CDK20: variants seen among roughly 807,000 people sequenced by gnomAD.
CDK20 encodes cyclin dependent kinase 20, also known as cyclin-dependent kinase 20.
CDK20 carries 40 observed loss-of-function variants against 38.6 expected under a neutral mutation model. That is an observed-to-expected ratio of 1.04 (90% CI 0.81 to 1.35). CDK20 has a LOEUF of 1.35. Among genes scored for constraint, CDK20 ranks in the 40% most tolerant of loss-of-function variants. The probability of loss-of-function intolerance (pLI) is 0.00; values close to 1 mark genes in which losing one functional copy is unlikely to be tolerated. For synonymous variants in CDK20, 209 were observed against 185.7 expected (o/e 1.13, Z -1.02); for missense variants, 512 against 452.6 (o/e 1.13, Z -1.19).
At chr9:87,967,686 G>A (rs1829528748) in intron 7 of CDK20, 27 bp from the exon 8 acceptor site, 1 of 1,455,228 alleles carries the variant, frequency 6.9e-7, no homozygotes, top group Non-Finnish European at 9.1e-7. Flanking sequence ...AGGAACAGCA[G>A]AAGGAAACTA....
In CDK20 at chr9:87,973,926, T is replaced by G. The variant is rs1397098744; in HGVS notation, c.185A>C (p.Gln62Pro). 6.2e-7 allele frequency: 1 copy of G among 1,613,848 alleles called. No individual in the cohort carries two copies. The highest frequency in any genetic ancestry group is 2.2e-5 in the East Asian group (1 of 44,856). Residue 62 changes from glutamine to proline, a missense_variant, in exon 2 of 8, where the codon CAG (glutamine) becomes CCG (proline). Coordinates refer to ENST00000325303, the MANE Select transcript of CDK20 (RefSeq NM_001039803.3). ...TGCCCCCCCTCCCCTACTCACATAC[T>G]GATTGTCCTCCATCTCCTGCAGAGC... ...IKALQEMEDN[Q>P]YVVQLKAVFP...
At position 87,974,007 on chromosome 9, in the gene CDK20, A is replaced by G. The variant is rs745580338; in HGVS notation, c.104T>C (p.Val35Ala). The G allele has an allele frequency of 6.2e-6, 10 of 1,614,024 alleles. No homozygotes were observed. The African/African-American group carries it at 9.3e-5, about 15-fold the overall frequency. ...GCCGTCCTCCAACCGCCTTAGGGCCACCTTCTTGAGGGCAACTATCTCGCC... is the reference window on the plus strand; with the variant it reads ...GCCGTCCTCCAACCGCCTTAGGGCCGCCTTCTTGAGGGCAACTATCTCGCC... ...ETGEIVALKK[V>A]ALRRLEDGFP... Residue 35 changes from valine (V) to alanine (A), a missense_variant, in exon 2 of 8, where the codon GTG becomes GCG. Transcript: ENST00000325303.
intron 2 of CDK20, among the ~76,000 whole-genome samples, chr9:87,973,195 G>C (rs1238752182): frequency 1.3e-5 from 2 of 152,170 alleles, no homozygotes; most frequent in South Asian, 4.1e-4. Flanking sequence ...ATTTCGACAT[G>C]GGTGAGAGAG....
rs1229586036 is a variant in CDK20 at position 87,969,185 on chromosome 9, T to C, written c.843+9A>G. 2 of 1,612,748 alleles carry C rather than the reference T, an allele frequency of 1.2e-6. No individual in the cohort carries two copies. The highest frequency in any genetic ancestry group is 1.7e-6 in the Non-Finnish European group (2 of 1,179,338). On this transcript the variant is annotated intron_variant, in intron 7 of 7. Coordinates refer to ENST00000325303, the MANE Select transcript of CDK20 (RefSeq NM_001039803.3). ...CTGAAGGAGCAGAGACTACAGCCTC[T>C]CCCCCTACCTTGGAAGCTGCGATGC...
chr9:87,970,134 CTCTAGGACACT>C (rs1358372093), intron 5 of CDK20: 1 of 487,710 alleles, frequency 2.1e-6, no homozygotes, highest in Non-Finnish European at 3.5e-6. Context: ...GAGACTCCTG[CTCTAGGACACT>C]TCTGGGGCAG....
At position 87,970,444 on chromosome 9, in the gene CDK20, G is replaced by A. The variant is rs142509956; in HGVS notation, c.563+124C>T. 779 of 876,138 alleles carry A rather than the reference G, an allele frequency of 8.9e-4. 5 individuals carry two copies. In the African/African-American group the frequency reaches 0.012, roughly 14 times the overall value. 54.3% of individuals were successfully genotyped at this position (876,138 alleles called of 1,614,324 possible). ...AAGTGCTCAGAATACCCCAACCAGGGAAGACACCCTTAAGGAAGCCTAAAC... is the reference window on the plus strand; with the variant it reads ...AAGTGCTCAGAATACCCCAACCAGGAAAGACACCCTTAAGGAAGCCTAAAC... On this transcript the variant is annotated intron_variant, in intron 5 of 7. Coordinates refer to ENST00000325303, the MANE Select transcript of CDK20 (RefSeq NM_001039803.3).
rs1475800586 is a variant in CDK20 at position 87,973,915 on chromosome 9, T to C, written c.189+7A>G. On this transcript the variant is annotated splice_region_variant and intron_variant, in intron 2 of 7. Coordinates refer to ENST00000325303, the MANE Select transcript of CDK20 (RefSeq NM_001039803.3). ...TGAGAATACCATGCCCCCCCTCCCC[T>C]ACTCACATACTGATTGTCCTCCATC... 1 of 1,613,110 alleles carries C rather than the reference T, an allele frequency of 6.2e-7. No homozygotes were observed. Among genetic ancestry groups the C allele is most frequent in the Admixed American group, 1.7e-5 (1 of 59,978 alleles).
At position 87,967,255 on chromosome 9, in the gene CDK20, C is replaced by A; in HGVS notation, c.*207G>T. ...TCACCGAGCACAGGCCATGAATCTCCTCTGCTCGACTGGATGTTCTCATAC... is the reference window on the plus strand; with the variant it reads ...TCACCGAGCACAGGCCATGAATCTCATCTGCTCGACTGGATGTTCTCATAC... On this transcript the variant is annotated 3_prime_UTR_variant, in exon 8 of 8. Transcript: ENST00000325303. The A allele has an allele frequency of 1.4e-6, 1 of 700,162 alleles. No homozygotes were observed. The highest frequency in any genetic ancestry group is 1.7e-5 in the African/African-American group (1 of 57,506). 43.4% of individuals were successfully genotyped at this position (700,162 alleles called of 1,614,324 possible).
chr9:87,967,926 G>A (rs1829546063), intron 7 of CDK20: 1 of 357,726 alleles, frequency 2.8e-6, no homozygotes, highest in South Asian at 6.3e-5. Context: ...ATAATGATTA[G>A]TGCAGTGGAA....
rs911387002 is a variant in CDK20 at position 87,967,533 on chromosome 9, G to A, written c.970C>T (p.His324Tyr). Residue 324 changes from histidine to tyrosine, a missense_variant, in exon 8 of 8, where the codon CAC becomes TAC. Physicochemically the swap from His to Tyr is moderately conservative, Grantham distance 83 (BLOSUM62 2). Coordinates refer to ENST00000325303, the MANE Select transcript of CDK20 (RefSeq NM_001039803.3). ...GACTCCTCAAGAGGCCGGTCCACGT[G>A]GAAGTCATGGATGTGGGGGGGCCCT... Reference protein sequence around the residue: ...HPGPPHIHDFHVDRPLEESLL... With the variant: ...HPGPPHIHDFYVDRPLEESLL... The A allele has an allele frequency of 5.8e-6, 9 of 1,554,780 alleles. No homozygotes were observed. The highest frequency in any genetic ancestry group is 7.0e-6 in the Non-Finnish European group (8 of 1,148,838).
intron 2 of CDK20, among the ~76,000 whole-genome samples, 197 bp downstream of exon 2, chr9:87,973,725 T>C (rs1422255571): frequency 2.6e-5 from 4 of 151,460 alleles, no homozygotes; most frequent in African/African-American, 9.7e-5. Context: ...ATGAAAGAAA[T>C]AGGTAAATAA....
rs200737032 is a variant in CDK20 at position 87,971,209 on chromosome 9, T to C, written c.316A>G (p.Ser106Gly). ...QRPLAQAQVK[S>G]YLQMLLKGVA... is the part of the protein sequence containing the mutation. ...CCCTTGAGCAGCATCTGCAGGTAGCTCTTGACCTGTGCCTGGGCTAGTGGC... is the reference window on the plus strand; with the variant it reads ...CCCTTGAGCAGCATCTGCAGGTAGCCCTTGACCTGTGCCTGGGCTAGTGGC... The change falls in exon 3 of 8, where the codon AGC becomes GGC. Residue 106 changes from serine (S) to glycine (G), a missense_variant. Physicochemically the swap from Ser to Gly is moderately conservative, Grantham distance 56 (BLOSUM62 0). Coordinates refer to ENST00000325303, the MANE Select transcript of CDK20 (RefSeq NM_001039803.3). The C allele has an allele frequency of 3.1e-6, 5 of 1,614,156 alleles. No homozygotes were observed. The highest frequency in any genetic ancestry group is 1.7e-5 in the Admixed American group (1 of 60,024).
chr9:87,970,435 C>G, intron 5 of CDK20, 133 bp downstream of exon 5: 1 of 819,392 alleles, frequency 1.2e-6, no homozygotes, highest in Non-Finnish European at 1.9e-6. Flanking sequence ...TCAGAATACC[C>G]CAACCAGGGA....
At chr9:87,968,233 G>A (rs1829567614) in intron 7 of CDK20, 1 of 153,062 alleles carries the variant, frequency 6.5e-6, no homozygotes, top group African/African-American at 2.4e-5. Flanking sequence ...GGAGGGCCCT[G>A]GCAGAGAAGG....
At chr9:87,969,749 T>C (rs2118214866) in intron 6 of CDK20, 47 bp downstream of exon 6, 1 of 1,610,842 alleles carries the variant, frequency 6.2e-7, no homozygotes, top group South Asian at 1.1e-5. Context: ...CTGTTGGGAG[T>C]GGAGTAAACC....
rs1231030580 is a variant in CDK20 at position 87,967,732 on chromosome 9, C to T, written c.844-73G>A. 8.5e-6 allele frequency: 11 copies of T among 1,301,696 alleles called. No individual in the cohort carries two copies. In the East Asian group the frequency reaches 2.5e-4, roughly 30 times the overall value. The allele number at this position is 1,301,696 out of a possible 1,614,324, so 80.6% of individuals were successfully genotyped here. On this transcript the variant is annotated intron_variant, in intron 7 of 7. Transcript: ENST00000325303. Reference sequence around the variant, plus strand: ...TGTCCCCAGCCTCAAGCAGATGTTCCTTCATCTATGCATTCAGCTGACTCA... The same window carrying T: ...TGTCCCCAGCCTCAAGCAGATGTTCTTTCATCTATGCATTCAGCTGACTCA...
In CDK20 at chr9:87,970,773, T is replaced by C. The variant is rs1355000365; in HGVS notation, c.500+3A>G. ...AGACTGGAAGGGATCTGGCCCTCCC[T>C]ACCTGGTGGCCACCTGGTGTGTGTA... On this transcript the variant is annotated splice_donor_region_variant and intron_variant, in intron 4 of 7. Transcript: ENST00000325303. 5.0e-6 allele frequency: 8 copies of C among 1,614,010 alleles called. No homozygotes were observed. Among genetic ancestry groups the C allele is most frequent in the South Asian group, 1.1e-5 (1 of 91,088 alleles).
In CDK20 at chr9:87,971,177, G is replaced by A; in HGVS notation, c.348C>T (p.Ala116=). 6 of 1,614,190 alleles carry A rather than the reference G, an allele frequency of 3.7e-6. No homozygotes were observed. The highest frequency in any genetic ancestry group is 5.1e-6 in the Non-Finnish European group (6 of 1,180,022). Residue 116 remains alanine, a synonymous_variant, in exon 3 of 8, where the codon GCC becomes GCT. Transcript: ENST00000325303. ...GTACAATGTTGTTGGCATGGCAGAAGGCGACACCCTTGAGCAGCATCTGCA... is the reference window on the plus strand; with the variant it reads ...GTACAATGTTGTTGGCATGGCAGAAAGCGACACCCTTGAGCAGCATCTGCA... ...SYLQMLLKGV[A]FCHANNIVHR... is the part of the protein sequence containing the mutation.
rs931111624 is a variant in CDK20, at chr9:87,966,943, TGAA to T, written c.*516_*518del. 2.7e-5 allele frequency: 11 copies of T among 410,218 alleles called. No individual in the cohort carries two copies. The highest frequency in any genetic ancestry group is 1.4e-4 in the African/African-American group (7 of 48,730). 25.4% of individuals were successfully genotyped at this position (410,218 alleles called of 1,614,324 possible). A position where few individuals can be genotyped will look rare whatever the true frequency, so the allele number is the denominator to read the frequency against. On this transcript the variant is annotated 3_prime_UTR_variant, in exon 8 of 8. Transcript: ENST00000325303. The stretch of plus-strand genomic sequence containing the variant: ...CCTTAGCCATTTCCCTTGAGAGAAA[TGAA>T]GGAGGAACAGACATAAGGCAGAGCC...
Sources: allele counts gnomAD v4.1 joint callset (sites outside exome capture counted in the v4.1 genomes callset), GRCh38; gene constraint gnomAD v4.1.1; transcripts MANE v1.5; gene names NCBI Gene and HGNC (gene_info 2026-07-23, HGNC 2026-07-21).